Variants in MRGPRG observed in about 807,000 individuals in gnomAD.
MRGPRG encodes mas-related G protein-coupled receptor member G.
For missense variants in MRGPRG, 395 were observed against 394.7 expected, an observed-to-expected ratio of 1.00 and a Z score of -0.01; for synonymous variants, 216 against 206.7, an observed-to-expected ratio of 1.05 and a Z score of -0.39.
chr11:3,218,468 A>T lies in MRGPRG; in HGVS notation c.346T>A (p.Cys116Ser). The T allele has an allele frequency of 6.5e-7, 1 of 1,543,154 alleles. No individual in the cohort carries two copies. The highest frequency in any genetic ancestry group is 1.2e-5 in the South Asian group (1 of 83,462). ...SDLFPACYQGCRPRHASAVLC... is the reference protein window; with the variant it reads ...SDLFPACYQGSRPRHASAVLC... Reference sequence around the variant, plus strand: ...ACGGCCGAGGCGTGTCTGGGCCGGCAGCCCTGGTAGCAGGCGGGGAAGAGG... The same window carrying T: ...ACGGCCGAGGCGTGTCTGGGCCGGCTGCCCTGGTAGCAGGCGGGGAAGAGG... Residue 116 changes from cysteine to serine, a missense_variant, in exon 1 of 1, where the codon TGC becomes AGC. Transcript: ENST00000332314.
rs1448679426 is a variant in MRGPRG, at chr11:3,218,460, G to T, written c.354C>A (p.Pro118=). 6.5e-7 allele frequency: 1 copy of T among 1,542,184 alleles called. No individual in the cohort carries two copies. The highest frequency in any genetic ancestry group is 1.4e-5 in the African/African-American group (1 of 72,752). ...LFPACYQGCR[P]RHASAVLCAL... ...CGCAGAGGACGGCCGAGGCGTGTCT[G>T]GGCCGGCAGCCCTGGTAGCAGGCGG... The change falls in exon 1 of 1, where the codon CCC becomes CCA. Residue 118 remains proline, a synonymous_variant. Transcript: ENST00000332314.
At position 3,218,646 on chromosome 11, in the gene MRGPRG, G is replaced by C; in HGVS notation, c.168C>G (p.Ala56=). 5 of 1,546,146 alleles carry C rather than the reference G, an allele frequency of 3.2e-6. No homozygotes were observed. The highest frequency in any genetic ancestry group is 1.4e-5 in the African/African-American group (1 of 72,822). Residue 56 remains alanine (A), a synonymous_variant, in exon 1 of 1, where the codon GCC becomes GCG. Transcript: ENST00000332314. The part of the protein sequence containing the change: ...FSIYLLHLAA[A]DFLFLSCRVG... ...CACGGCAGGAGAGGAACAGGAAGTC[G>C]GCGGCGGCCAGGTGCAGCAGGTAGA...
the MRGPRG span, chr11:3,218,710 C>T: frequency 6.5e-7 from 1 of 1,546,066 alleles, no homozygotes. Flanking sequence ...GCCGAGGTTC[C>T]AGAGCACCAG....
chr11:3,218,575 A>G lies in MRGPRG; in HGVS notation c.239T>C (p.Leu80Pro), dbSNP rs1463776358. The change falls in exon 1 of 1, where the codon CTC becomes CCC. Residue 80 changes from leucine (L) to proline (P), a missense_variant. Transcript: ENST00000332314. Reference protein sequence around the residue: ...AQAALGAQDTLYFVLTFLWFA... With the variant: ...AQAALGAQDTPYFVLTFLWFA... ...CCACAGGAAGGTGAGCACGAAGTAG[A>G]GTGTGTCCTGGGCGCCCAGGGCAGC... 7.8e-6 allele frequency: 12 copies of G among 1,545,570 alleles called. 1 individual carries two copies. In the East Asian group the frequency reaches 1.7e-4, roughly 22 times the overall value.
At position 3,218,608 on chromosome 11, in the gene MRGPRG, A is replaced by T. The variant is rs146728575; in HGVS notation, c.206T>A (p.Val69Glu). The change falls in exon 1 of 1, where the codon GTG becomes GAG. Residue 69 changes from valine to glutamate, a missense_variant. Transcript: ENST00000332314. The part of the protein sequence containing the change: ...LFLSCRVGFS[V>E]AQAALGAQDT... ...CTGGGCGCCCAGGGCAGCCTGAGCC[A>T]CGGAGAAGCCCACACGGCAGGAGAG... is the stretch of plus-strand genomic sequence containing the variant. 1.1e-3 allele frequency: 1,646 copies of T among 1,545,838 alleles called. 64 individuals are homozygous for T. The African/African-American group carries it at 0.02, about 18-fold the overall frequency.
Position 3,218,371 on chromosome 11 carries a change from C to A in MRGPRG, c.443G>T (p.Arg148Leu). The part of the protein sequence containing the change: ...PLPANACGLL[R>L]NSACPLVCPR... ...GCAGACCAGGGGGCACGCGCTGTTG[C>A]GCAGCAGGCCGCAGGCGTTGGCGGG... The change falls in exon 1 of 1, where the codon CGC becomes CTC. Residue 148 changes from arginine to leucine, a missense_variant. Physicochemically the swap from Arg to Leu is moderately radical, Grantham distance 102 (BLOSUM62 -2). Coordinates refer to ENST00000332314, the MANE Select transcript of MRGPRG (RefSeq NM_001164377.1). 6.8e-7 allele frequency: 1 copy of A among 1,478,494 alleles called. No homozygotes were observed. The highest frequency in any genetic ancestry group is 8.9e-7 in the Non-Finnish European group (1 of 1,118,730). The allele number at this position is 1,478,494 out of a possible 1,614,324, so 91.6% of individuals were successfully genotyped here. A position where few individuals can be genotyped will look rare whatever the true frequency, so the allele number is the denominator to read the frequency against.
rs1847645481 is a variant in MRGPRG at position 3,218,273 on chromosome 11, G to A, written c.541C>T (p.Leu181Phe). 1.4e-6 allele frequency: 2 copies of A among 1,470,822 alleles called. No individual in the cohort carries two copies. Among genetic ancestry groups the A allele is most frequent in the Admixed American group, 2.5e-5 (1 of 40,130 alleles). 91.1% of individuals were successfully genotyped at this position (1,470,822 alleles called of 1,614,324 possible). The change falls in exon 1 of 1, where the codon CTC becomes TTC. Residue 181 changes from leucine to phenylalanine, a missense_variant. Transcript: ENST00000332314. Reference sequence around the variant, plus strand: ...GAGCAGCAGGTCACCCAGACAAAGAGGACCACGCCAGCCGTCCAGGCGACG... The same window carrying A: ...GAGCAGCAGGTCACCCAGACAAAGAAGACCACGCCAGCCGTCCAGGCGACG... ...ARVAWTAGVV[L>F]FVWVTCCSTR...
Position 3,218,482 on chromosome 11 carries a change from G to T in MRGPRG, c.332C>A (p.Ala111Asp). The change falls in exon 1 of 1, where the codon GCC (alanine) becomes GAC (aspartate). Residue 111 changes from alanine to aspartate, a missense_variant. Coordinates refer to ENST00000332314, the MANE Select transcript of MRGPRG (RefSeq NM_001164377.1). ...VERCLSDLFP[A>D]CYQGCRPRHA... ...TCTGGGCCGGCAGCCCTGGTAGCAG[G>T]CGGGGAAGAGGTCGGAGAGGCAGCG... is the stretch of plus-strand genomic sequence containing the variant. The T allele has an allele frequency of 6.5e-7, 1 of 1,544,194 alleles. No homozygotes were observed.
At position 3,218,629 on chromosome 11, in the gene MRGPRG, G is replaced by T. The variant is rs1224668196; in HGVS notation, c.185C>A (p.Ser62Tyr). Residue 62 changes from serine (S) to tyrosine (Y), a missense_variant, in exon 1 of 1, where the codon TCC (serine) becomes TAC (tyrosine). Coordinates refer to ENST00000332314, the MANE Select transcript of MRGPRG (RefSeq NM_001164377.1). The part of the protein sequence containing the change: ...HLAAADFLFL[S>Y]CRVGFSVAQA... Reference sequence around the variant, plus strand: ...AGCCACGGAGAAGCCCACACGGCAGGAGAGGAACAGGAAGTCGGCGGCGGC... The same window carrying T: ...AGCCACGGAGAAGCCCACACGGCAGTAGAGGAACAGGAAGTCGGCGGCGGC... The T allele has an allele frequency of 6.5e-7, 1 of 1,546,204 alleles. No homozygotes were observed. The highest frequency in any genetic ancestry group is 1.2e-5 in the South Asian group (1 of 83,512).
At position 3,218,559 on chromosome 11, in the gene MRGPRG, G is replaced by A; in HGVS notation, c.255C>T (p.Thr85=). The A allele has an allele frequency of 6.5e-7, 1 of 1,545,688 alleles. No homozygotes were observed. The highest frequency in any genetic ancestry group is 8.7e-7 in the Non-Finnish European group (1 of 1,143,904). Residue 85 remains threonine (T), a synonymous_variant, in exon 1 of 1, where the codon ACC becomes ACT. Transcript: ENST00000332314. ...AGAGCCCCACCGCGAACCACAGGAA[G>A]GTGAGCACGAAGTAGAGTGTGTCCT... is the stretch of plus-strand genomic sequence containing the variant. ...GAQDTLYFVL[T]FLWFAVGLWL...
Position 3,218,697 on chromosome 11 carries a change from G to C in MRGPRG, c.117C>G (p.Phe39Leu), listed in dbSNP as rs1176086024. The C allele has an allele frequency of 4.5e-6, 7 of 1,546,050 alleles. 1 individual carries two copies. In the African/African-American group the frequency reaches 9.6e-5, roughly 21 times the overall value. ...TGGAGAAGGGGCCCTTCTTGATGCG[G>C]AAGCCGAGGTTCCAGAGCACCAGCC... ...GNGLVLWNLGFRIKKGPFSIY... is the reference protein window; with the variant it reads ...GNGLVLWNLGLRIKKGPFSIY... The change falls in exon 1 of 1, where the codon TTC (phenylalanine) becomes TTG (leucine). Residue 39 changes from phenylalanine (F) to leucine (L), a missense_variant. Transcript: ENST00000332314.
At position 3,218,045 on chromosome 11, in the gene MRGPRG, G is replaced by T; in HGVS notation, c.769C>A (p.Pro257Thr). 1 of 1,543,982 alleles carries T rather than the reference G, an allele frequency of 6.5e-7. No homozygotes were observed. ...GACCTCAGCGGCTCCCGCTTCCCGGGCTGTCGGCCCAACCCCGAGTAGATG... is the reference window on the plus strand; with the variant it reads ...GACCTCAGCGGCTCCCGCTTCCCGGTCTGTCGGCCCAACCCCGAGTAGATG... ...PLIYSGLGRQ[P>T]GKREPLRSVL... Residue 257 changes from proline (P) to threonine (T), a missense_variant, in exon 1 of 1, where the codon CCC becomes ACC. Pro to Thr is a conservative substitution (Grantham distance 38, BLOSUM62 -1). Transcript: ENST00000332314.
In MRGPRG at chr11:3,217,961, G is replaced by T; in HGVS notation, c.853C>A (p.Pro285Thr). The change falls in exon 1 of 1, where the codon CCC (proline) becomes ACC (threonine). Residue 285 changes from proline to threonine, a missense_variant. Physicochemically the swap from Pro to Thr is conservative, Grantham distance 38 (BLOSUM62 -1). Coordinates refer to ENST00000332314, the MANE Select transcript of MRGPRG (RefSeq NM_001164377.1). This position sits in a 1 kb window ranked among gnomAD's most constrained non-coding sequence, Gnocchi z 6.5. ...AELGARGQSL[P>T]MGLL ...AAGCCCACTTATAGGAGACCCATGG[G>T]CAGGGACTGTCCCCTGGCACCCAGC... 6.7e-7 allele frequency: 1 copy of T among 1,501,068 alleles called. No individual in the cohort carries two copies. Among genetic ancestry groups the T allele is most frequent in the South Asian group, 1.3e-5 (1 of 77,984 alleles). The allele number at this position is 1,501,068 out of a possible 1,614,324, so 93.0% of individuals were successfully genotyped here.
In MRGPRG at chr11:3,217,962, C is replaced by G; in HGVS notation, c.852G>C (p.Leu284=). The change falls in exon 1 of 1, where the codon CTG becomes CTC. Residue 284 remains leucine, a synonymous_variant. Transcript: ENST00000332314. The surrounding 1 kb of genome is among the most constrained non-coding windows in gnomAD (Gnocchi z 6.5). The part of the protein sequence containing the change: ...GAELGARGQS[L]PMGLL ...AGCCCACTTATAGGAGACCCATGGG[C>G]AGGGACTGTCCCCTGGCACCCAGCT... The G allele has an allele frequency of 1.3e-6, 2 of 1,501,282 alleles. No individual in the cohort carries two copies. The highest frequency in any genetic ancestry group is 1.8e-6 in the Non-Finnish European group (2 of 1,117,762). The allele number at this position is 1,501,282 out of a possible 1,614,324, so 93.0% of individuals were successfully genotyped here.
At chr11:3,218,446 GC>G in the MRGPRG span, 1 of 1,540,200 alleles carries the variant, frequency 6.5e-7, no homozygotes, top group East Asian at 2.4e-5. Flanking sequence ...GCAGAGGACG[GC>G]CGAGGCGTGT....
the MRGPRG span, chr11:3,217,996 TC>T: frequency 6.6e-7 from 1 of 1,521,512 alleles, no homozygotes; most frequent in Non-Finnish European, 8.9e-7. This position sits in a 1 kb window ranked among gnomAD's most constrained non-coding sequence, Gnocchi z 6.5. Context: ...CTCGGCGCCC[TC>T]CCCCAGGGCC....
In MRGPRG at chr11:3,218,613, G is replaced by A; in HGVS notation, c.201C>T (p.Phe67=). 1.3e-6 allele frequency: 2 copies of A among 1,546,046 alleles called. No individual in the cohort carries two copies. Among genetic ancestry groups the A allele is most frequent in the East Asian group, 2.4e-5 (1 of 40,870 alleles). Residue 67 remains phenylalanine (F), a synonymous_variant, in exon 1 of 1, where the codon TTC becomes TTT. Coordinates refer to ENST00000332314, the MANE Select transcript of MRGPRG (RefSeq NM_001164377.1). Reference sequence around the variant, plus strand: ...CGCCCAGGGCAGCCTGAGCCACGGAGAAGCCCACACGGCAGGAGAGGAACA... The same window carrying A: ...CGCCCAGGGCAGCCTGAGCCACGGAAAAGCCCACACGGCAGGAGAGGAACA... ...DFLFLSCRVG[F]SVAQAALGAQ...
In MRGPRG at chr11:3,218,023, C is replaced by T. The variant is rs1158357873; in HGVS notation, c.791G>A (p.Arg264Lys). The change falls in exon 1 of 1, where the codon AGG (arginine) becomes AAG (lysine). Residue 264 changes from arginine (R) to lysine (K), a missense_variant. Physicochemically the swap from Arg to Lys is conservative, Grantham distance 26 (BLOSUM62 2). Transcript: ENST00000332314. The part of the protein sequence containing the change: ...GRQPGKREPL[R>K]SVLRRALGEG... ...CCCCAGGGCCCTCCGCAGTACCGACCTCAGCGGCTCCCGCTTCCCGGGCTG... is the reference window on the plus strand; with the variant it reads ...CCCCAGGGCCCTCCGCAGTACCGACTTCAGCGGCTCCCGCTTCCCGGGCTG... The T allele has an allele frequency of 6.5e-6, 10 of 1,542,988 alleles. 1 individual carries two copies. Among genetic ancestry groups the T allele is most frequent in the Non-Finnish European group, 7.9e-6 (9 of 1,142,784 alleles).
In MRGPRG at chr11:3,218,482, G is replaced by A. The variant is rs771816929; in HGVS notation, c.332C>T (p.Ala111Val). 11 of 1,544,086 alleles carry A rather than the reference G, an allele frequency of 7.1e-6. No individual in the cohort carries two copies. The highest frequency in any genetic ancestry group is 1.8e-4 in the Middle Eastern group (1 of 5,656). The change falls in exon 1 of 1, where the codon GCC (alanine) becomes GTC (valine). Residue 111 changes from alanine (A) to valine (V), a missense_variant. Physicochemically the swap from Ala to Val is moderately conservative, Grantham distance 64 (BLOSUM62 0). Coordinates refer to ENST00000332314, the MANE Select transcript of MRGPRG (RefSeq NM_001164377.1). ...VERCLSDLFP[A>V]CYQGCRPRHA... ...TCTGGGCCGGCAGCCCTGGTAGCAGGCGGGGAAGAGGTCGGAGAGGCAGCG... is the reference window on the plus strand; with the variant it reads ...TCTGGGCCGGCAGCCCTGGTAGCAGACGGGGAAGAGGTCGGAGAGGCAGCG...
Sources: allele counts gnomAD v4.1 joint callset, GRCh38; gene constraint gnomAD v4.1.1; non-coding constraint Gnocchi (gnomAD v3.1); transcripts MANE v1.5; gene names NCBI Gene and HGNC (gene_info 2026-07-23, HGNC 2026-07-21).